ABCA13: variants seen among roughly 807,000 people sequenced by gnomAD.
ABCA13 encodes the protein ATP-binding cassette sub-family A member 13.
A neutral mutation model predicts 478.7 loss-of-function variants in ABCA13; 476 were observed. The observed-to-expected ratio is 0.99, with a 90% CI of 0.92 to 1.07. The LOEUF (loss-of-function observed/expected upper bound fraction) is 1.07, where lower values mean the gene tolerates loss of function less well. Among genes scored for constraint, ABCA13 ranks in the 50% least tolerant of loss-of-function variants. ABCA13 has a pLI of 0.00. For synonymous variants in ABCA13, 2,252 were observed against 2,158.9 expected (o/e 1.04, Z -1.20); for missense variants, 6,060 against 5,910.6 (o/e 1.03, Z -0.83).
Position 48,317,198 on chromosome 7 carries a change from C to T in ABCA13, c.9901C>T (p.Pro3301Ser). 1 of 1,613,032 alleles carries T rather than the reference C, an allele frequency of 6.2e-7. No individual in the cohort carries two copies. Among genetic ancestry groups the T allele is most frequent in the Non-Finnish European group, 8.5e-7 (1 of 1,179,650 alleles). Residue 3301 changes from proline (P) to serine (S), a missense_variant, in exon 27 of 62, where the codon CCA becomes TCA. Pro to Ser is a moderately conservative substitution (Grantham distance 74). Around this residue, in one of 3 missense-constraint regions of ABCA13, gnomAD observed 4,423 missense variants for 4,309.1 expected, o/e 1.03. Transcript: ENST00000435803. ...GCTTTATCAGGAAATTCTACAATTG[C>T]CAAATGGTGCTTTGGTGTGGACCTT... ...LKLYQEILQL[P>S]NGALVWTFLK...
In ABCA13 at chr7:48,372,206, C is replaced by T. The variant is rs1812744483; in HGVS notation, c.10842C>T (p.Phe3614=). 3.1e-6 allele frequency: 5 copies of T among 1,613,658 alleles called. No homozygotes were observed. The South Asian group carries it at 4.4e-5, about 14-fold the overall frequency. Residue 3614 remains phenylalanine, a synonymous_variant, in exon 33 of 62, where the codon TTC becomes TTT. Coordinates refer to ENST00000435803, the MANE Select transcript of ABCA13 (RefSeq NM_152701.5). ...TGGGAGTGCATCCAGTGATCCATTTCCTGGCCTGGTTCCTGGAGAACATGG... is the reference window on the plus strand; with the variant it reads ...TGGGAGTGCATCCAGTGATCCATTTTCTGGCCTGGTTCCTGGAGAACATGG... ...RMMGVHPVIH[F]LAWFLENMAV...
At chr7:48,535,476 A>G (rs1833505272) in intron 55 of ABCA13, among the ~76,000 whole-genome samples, 1 of 152,200 alleles carries the variant, frequency 6.6e-6, no homozygotes, top group South Asian at 2.1e-4. Flanking sequence ...CTGGTTTTGC[A>G]TTGGTTGGCC....
At chr7:48,579,593 C>T (rs1788513079) in intron 55 of ABCA13, among the ~76,000 whole-genome samples, 1 of 151,862 alleles carries the variant, frequency 6.6e-6, no homozygotes, top group South Asian at 2.1e-4. Flanking sequence ...ATAGTCTTCC[C>T]ACCTGATTCA....
In ABCA13 at chr7:48,580,518, A is replaced by G. The variant is rs565284001; in HGVS notation, c.14505+144A>G. 406 of 698,264 alleles carry G rather than the reference A, an allele frequency of 5.8e-4. 3 individuals are homozygous for G. In the African/African-American group the frequency reaches 6.6e-3, roughly 11 times the overall value. 43.3% of individuals were successfully genotyped at this position (698,264 alleles called of 1,614,324 possible). A position where few individuals can be genotyped will look rare whatever the true frequency, so the allele number is the denominator to read the frequency against. ...ACTTACCTGCAAGAGATTTTCTAAT[A>G]TGATTATACTGAAGAAAACATTAAA... is the stretch of plus-strand genomic sequence containing the variant. On this transcript the variant is annotated intron_variant, in intron 56 of 61. Coordinates refer to ENST00000435803, the MANE Select transcript of ABCA13 (RefSeq NM_152701.5).
In ABCA13 at chr7:48,278,489, A is replaced by G. The variant is rs762148949; in HGVS notation, c.7295A>G (p.His2432Arg). Residue 2432 changes from histidine (H) to arginine (R), a missense_variant, in exon 18 of 62, where the codon CAC becomes CGC. Coordinates refer to ENST00000435803, the MANE Select transcript of ABCA13 (RefSeq NM_152701.5). ...GCAAGACTTCTGGATACAATTTTAC[A>G]CTCTCCTAATAAGGACTTCTATGCT... is the stretch of plus-strand genomic sequence containing the variant. Reference protein sequence around the residue: ...EMARLLDTILHSPNKDFYALY... With the variant: ...EMARLLDTILRSPNKDFYALY... The G allele has an allele frequency of 6.2e-7, 1 of 1,613,818 alleles. No homozygotes were observed. The highest frequency in any genetic ancestry group is 8.5e-7 in the Non-Finnish European group (1 of 1,179,842).
intron 27 of ABCA13, among the ~76,000 whole-genome samples, chr7:48,322,421 A>G: frequency 6.6e-6 from 1 of 152,156 alleles, no homozygotes; most frequent in Non-Finnish European, 1.5e-5. Flanking sequence ...CCAGAGACGC[A>G]TGTCCTCACC....
intron 41 of ABCA13, 145 bp from the exon 42 acceptor site, chr7:48,427,621 C>A (rs35418390): frequency 1.7e-6 from 1 of 604,460 alleles, no homozygotes; most frequent in Non-Finnish European, 2.9e-6. Context: ...AGAGTTATGC[C>A]AATTAAATGG....
intron 55 of ABCA13, among the ~76,000 whole-genome samples, chr7:48,530,294 G>A (rs995147077): frequency 9.9e-5 from 15 of 151,420 alleles, no homozygotes; most frequent in African/African-American, 3.6e-4. Flanking sequence ...TGGCTGAGAG[G>A]TGTTTCATGG....
intron 35 of ABCA13, among the ~76,000 whole-genome samples, chr7:48,376,789 G>A (rs918453114): frequency 2.0e-5 from 3 of 152,066 alleles, no homozygotes; most frequent in Non-Finnish European, 4.4e-5. Context: ...GAATAGCCAG[G>A]ATGAAATTAG....
At chr7:48,416,943 T>A (rs1214067505) in intron 41 of ABCA13, among the ~76,000 whole-genome samples, 1 of 119,528 alleles carries the variant, frequency 8.4e-6, no homozygotes, top group Non-Finnish European at 1.8e-5. Context: ...CATATACCTT[T>A]TTTTTTTTTT....
chr7:48,404,931 T>G (rs2129077986), intron 39 of ABCA13, among the ~76,000 whole-genome samples: 1 of 152,306 alleles, frequency 6.6e-6, no homozygotes, highest in South Asian at 2.1e-4. Flanking sequence ...AGATGTGACT[T>G]TTTGTTCCAC....
At chr7:48,623,811 G>T (rs1319231168) in intron 59 of ABCA13, among the ~76,000 whole-genome samples, 1 of 152,142 alleles carries the variant, frequency 6.6e-6, no homozygotes, top group Non-Finnish European at 1.5e-5. Context: ...CTCTAGCTGG[G>T]CACTTTGCTA....
chr7:48,474,260 G>T (rs1311475482), intron 45 of ABCA13, among the ~76,000 whole-genome samples: 1 of 152,116 alleles, frequency 6.6e-6, no homozygotes, highest in East Asian at 1.9e-4. Context: ...CCAAAGAGGT[G>T]CAGAAATTTC....
chr7:48,352,396 A>C lies in ABCA13; in HGVS notation c.10597A>C (p.Arg3533=), dbSNP rs1253828351. ...VFAPLQDMIE[R]AIILVQTGQE... Reference sequence around the variant, plus strand: ...TGCCCCACTGCAAGACATGATCGAAAGAGCCATCATTTTGGTGCAGACTGG... The same window carrying C: ...TGCCCCACTGCAAGACATGATCGAACGAGCCATCATTTTGGTGCAGACTGG... The change falls in exon 31 of 62, where the codon AGA becomes CGA. Residue 3533 remains arginine, a synonymous_variant. Transcript: ENST00000435803. 2.5e-6 allele frequency: 4 copies of C among 1,613,600 alleles called. No individual in the cohort carries two copies. The highest frequency in any genetic ancestry group is 3.4e-6 in the Non-Finnish European group (4 of 1,179,792).
At position 48,313,200 on chromosome 7, in the gene ABCA13, CT is replaced by C; in HGVS notation, c.9651del (p.Ala3218ProfsTer3). On this transcript the variant is annotated frameshift_variant, in exon 25 of 62. Coordinates refer to ENST00000435803, the MANE Select transcript of ABCA13 (RefSeq NM_152701.5). LOFTEE classifies it high-confidence loss of function. ...GAGTTTCTTCACACATTTAAAATCACTGCCTTGCTAGAAACCCTGGACTTTC... is the reference window on the plus strand; with the variant it reads ...GAGTTTCTTCACACATTTAAAATCACGCCTTGCTAGAAACCCTGGACTTTC... ...LPEFLHTFKI[T>X]ALLETLDFQQ... 6.2e-7 allele frequency: 1 copy of C among 1,612,370 alleles called. No homozygotes were observed. The highest frequency in any genetic ancestry group is 1.1e-5 in the South Asian group (1 of 90,662).
intron 59 of ABCA13, among the ~76,000 whole-genome samples, chr7:48,641,505 T>C (rs1435793729): frequency 2.0e-5 from 3 of 152,210 alleles, no homozygotes; most frequent in Admixed American, 6.5e-5. Context: ...ATTAGGCAGA[T>C]ACTATAATTA....
chr7:48,232,164 T>TA (rs1762232323), intron 7 of ABCA13, among the ~76,000 whole-genome samples: 1 of 132,830 alleles, frequency 7.5e-6, no homozygotes, highest in Non-Finnish European at 1.6e-5. Flanking sequence ...TTTTTTTTTT[T>TA]AGCTTTCTGT....
intron 1 of ABCA13, among the ~76,000 whole-genome samples, chr7:48,179,472 T>A (rs1237912711): frequency 6.6e-6 from 1 of 152,212 alleles, no homozygotes; most frequent in African/African-American, 2.4e-5. Flanking sequence ...TGAGGGGTAG[T>A]ACCTCTGCCT....
intron 1 of ABCA13, among the ~76,000 whole-genome samples, chr7:48,172,641 C>CAA (rs1479391950): frequency 6.6e-6 from 1 of 150,728 alleles, no homozygotes; most frequent in African/African-American, 2.4e-5. Context: ...TAAAAAAACA[C>CAA]AAAAAAATTA....
Sources: gnomAD v4.1 joint callset for allele counts (sites outside exome capture counted in the v4.1 genomes callset) on GRCh38, gnomAD v4.1.1 for gene constraint, gnomAD v4.1.1 regional missense constraint, MANE v1.5 for transcripts, NCBI Gene and HGNC (gene_info 2026-07-23, HGNC 2026-07-21) for gene names.